The following RHOA variants were observed in gnomAD, a reference collection of about 807,000 sequenced individuals.
RHOA encodes transforming protein RhoA.
A neutral mutation model predicts 17.5 loss-of-function variants in RHOA; 3 were observed. That is an observed-to-expected ratio of 0.17 (90% confidence interval 0.08 to 0.44). RHOA has a LOEUF of 0.44. Among genes scored for constraint, RHOA ranks in the 20% least tolerant of loss-of-function variants. RHOA has a pLI of 0.99. For synonymous variants in RHOA, 98 were observed against 88.4 expected (o/e 1.11, Z -0.61); for missense variants, 56 against 242.3 (o/e 0.23, Z 5.10).
At chr3:49,383,605 T>G (rs1451506422) in intron 1 of RHOA, among the ~76,000 whole-genome samples, 1 of 152,118 alleles carries the variant, frequency 6.6e-6, no homozygotes, top group Non-Finnish European at 1.5e-5. Context: ...CAGCCTGCAC[T>G]CCATTCCTTC....
In RHOA at chr3:49,359,571, AG is replaced by A. The variant is rs2047924991; in HGVS notation, c.*637del. 9.7e-6 allele frequency: 2 copies of A among 205,826 alleles called. No homozygotes were observed. Among genetic ancestry groups the A allele is most frequent in the Non-Finnish European group, 2.0e-5 (2 of 100,606 alleles). 12.7% of individuals were successfully genotyped at this position (205,826 alleles called of 1,614,324 possible). On this transcript the variant is annotated 3_prime_UTR_variant, in exon 5 of 5. Coordinates refer to ENST00000418115, the MANE Select transcript of RHOA (RefSeq NM_001664.4). Reference sequence around the variant, plus strand: ...CCAATACACTTTCTTTGAGGATGACAGTATTAGGAAATCCAATTATACAAAA... The same window carrying A: ...CCAATACACTTTCTTTGAGGATGACATATTAGGAAATCCAATTATACAAAA...
intron 1 of RHOA, among the ~76,000 whole-genome samples, chr3:49,388,662 G>T (rs1193700102): frequency 6.6e-6 from 1 of 152,158 alleles, no homozygotes; most frequent in Non-Finnish European, 1.5e-5. Flanking sequence ...ACTCACATTT[G>T]TCTGGACAAC....
In RHOA at chr3:49,399,054, CAAAAAAAAAAAAAAA is replaced by C. The variant is rs10530558; in HGVS notation, c.-3+12751_-3+12765del. On this transcript the variant is annotated intron_variant, in intron 1 of 4. Transcript: ENST00000418115. ...TGCGTGACAGAGCAAGACTCCGTCTCAAAAAAAAAAAAAAAAAAAAAAAAAAAAAAAAAGGCTGGG... is the reference window on the plus strand; with the variant it reads ...TGCGTGACAGAGCAAGACTCCGTCTCAAAAAAAAAAAAAAAAAAGGCTGGG... Among the ~76,000 whole-genome samples, 22 of 24,840 alleles carry C rather than the reference CAAAAAAAAAAAAAAA, an allele frequency of 8.9e-4. No homozygotes were observed. The East Asian group carries it at 0.013, about 15-fold the overall frequency. 16.3% of individuals were successfully genotyped at this position (24,840 alleles called of 152,430 possible).
chr3:49,397,926 C>T (rs1459060901), intron 1 of RHOA, among the ~76,000 whole-genome samples: 12 of 152,150 alleles, frequency 7.9e-5, no homozygotes, highest in Non-Finnish European at 1.8e-4. Flanking sequence ...GGAGAATAAA[C>T]GGACTAAGGA....
intron 1 of RHOA, among the ~76,000 whole-genome samples, chr3:49,409,970 A>G (rs980937076): frequency 6.6e-6 from 1 of 152,180 alleles, no homozygotes; most frequent in Non-Finnish European, 1.5e-5. Flanking sequence ...AAATCCAAAC[A>G]AAGCCATGAT....
chr3:49,385,686 A>T (rs886946740), intron 1 of RHOA, among the ~76,000 whole-genome samples: 12 of 151,014 alleles, frequency 7.9e-5, no homozygotes, highest in African/African-American at 1.5e-4. Flanking sequence ...TCGTAAAAAA[A>T]ATATATATGC....
At chr3:49,401,715 T>C (rs746451154) in intron 1 of RHOA, among the ~76,000 whole-genome samples, 4 of 152,190 alleles carry the variant, frequency 2.6e-5, no homozygotes, top group Non-Finnish European at 5.9e-5. Flanking sequence ...GAGTACTGCT[T>C]ATCCAAAATG....
intron 1 of RHOA, among the ~76,000 whole-genome samples, chr3:49,394,357 TTTTG>T (rs2048576832): frequency 2.0e-5 from 3 of 151,178 alleles, no homozygotes; most frequent in Non-Finnish European, 4.4e-5. Flanking sequence ...ACTTTTTTGT[TTTTG>T]TTTTTCTGAG....
At chr3:49,375,995 C>G (rs1056400994) in intron 1 of RHOA, among the ~76,000 whole-genome samples, 1 of 151,962 alleles carries the variant, frequency 6.6e-6, no homozygotes, top group African/African-American at 2.4e-5. Context: ...ATTACAGGCA[C>G]GTACCACCAC....
At chr3:49,404,661 G>A (rs1575288035) in intron 1 of RHOA, among the ~76,000 whole-genome samples, 7 of 145,344 alleles carry the variant, frequency 4.8e-5, no homozygotes, top group Middle Eastern at 3.7e-3. Flanking sequence ...AGGCACGGTG[G>A]CTCACGGCTG....
At chr3:49,389,336 TG>T in intron 1 of RHOA, among the ~76,000 whole-genome samples, 1 of 148,788 alleles carries the variant, frequency 6.7e-6, no homozygotes. Flanking sequence ...AGGAGCATAG[TG>T]GTTGCTTAGG....
At chr3:49,408,855 C>G (rs953048470) in intron 1 of RHOA, among the ~76,000 whole-genome samples, 2 of 150,928 alleles carry the variant, frequency 1.3e-5, no homozygotes, top group Non-Finnish European at 2.9e-5. Flanking sequence ...CACAGTGGCG[C>G]GATCTCAGCT....
intron 2 of RHOA, among the ~76,000 whole-genome samples, chr3:49,368,841 G>A (rs2107839566): frequency 6.6e-6 from 1 of 150,636 alleles, no homozygotes; most frequent in South Asian, 2.1e-4. Context: ...CCAAGTAGCT[G>A]GGACTACAGG....
chr3:49,386,671 G>C (rs757340441), intron 1 of RHOA, among the ~76,000 whole-genome samples: 2 of 152,090 alleles, frequency 1.3e-5, no homozygotes, highest in Non-Finnish European at 2.9e-5. Context: ...GCAAACCTTG[G>C]TGACACTGAA....
chr3:49,399,369 C>CAA lies in RHOA; in HGVS notation c.-3+12449_-3+12450dup, dbSNP rs11400251. The stretch of plus-strand genomic sequence containing the variant: ...TGGGCGACAGAGCGAGACTCTGTCT[C>CAA]AAAAAAAAAAAAAGTGTGTTAACAA... On this transcript the variant is annotated intron_variant, in intron 1 of 4. Coordinates refer to ENST00000418115, the MANE Select transcript of RHOA (RefSeq NM_001664.4). Among the ~76,000 whole-genome samples the CAA allele has an allele frequency of 6.6e-4, 83 of 125,692 alleles. 1 individual carries two copies. Among genetic ancestry groups the CAA allele is most frequent in the Middle Eastern group, 4.2e-3 (1 of 238 alleles). 82.5% of individuals were successfully genotyped at this position (125,692 alleles called of 152,430 possible). A position where few individuals can be genotyped will look rare whatever the true frequency, so the allele number is the denominator to read the frequency against.
chr3:49,387,397 T>G (rs533823189), intron 1 of RHOA, among the ~76,000 whole-genome samples: 1 of 141,478 alleles, frequency 7.1e-6, no homozygotes, highest in Non-Finnish European at 1.5e-5. Flanking sequence ...TGAGCCGAGA[T>G]CGTGCCATTG....
At chr3:49,362,682 T>G in intron 3 of RHOA, 56 bp from the exon 4 acceptor site, 1 of 1,436,822 alleles carries the variant, frequency 7.0e-7, no homozygotes, top group Non-Finnish European at 9.5e-7. Flanking sequence ...TTGAAGACTT[T>G]CCAAGAACCT....
chr3:49,381,405 CA>C (rs34190698), intron 1 of RHOA, among the ~76,000 whole-genome samples: 4,929 of 132,480 alleles, frequency 0.037, 91 homozygotes, highest in Non-Finnish European at 0.054. Context: ...AACCCCGTCT[CA>C]AAAAAAAAAA....
chr3:49,409,955 A>T (rs2048904798), intron 1 of RHOA, among the ~76,000 whole-genome samples: 1 of 151,976 alleles, frequency 6.6e-6, no homozygotes, highest in African/African-American at 2.4e-5. Flanking sequence ...TGGTCCCTTA[A>T]AAAAAAATCC....
Sources: gnomAD v4.1 joint callset for allele counts (sites outside exome capture counted in the v4.1 genomes callset) on GRCh38, gnomAD v4.1.1 for gene constraint, MANE v1.5 for transcripts, NCBI Gene and HGNC (gene_info 2026-07-23, HGNC 2026-07-21) for gene names.